The following CSGALNACT1 variants were observed in gnomAD, a reference collection of about 807,000 sequenced individuals.
CSGALNACT1 encodes the protein beta4GalNAcT-1.
In CSGALNACT1, 52 loss-of-function variants were observed where a neutral mutation model predicts 51.0. The ratio of observed to expected loss-of-function variants is 1.02; its 90% confidence interval spans 0.82 to 1.29. CSGALNACT1 has a LOEUF of 1.29. Among genes scored for constraint, CSGALNACT1 ranks in the 50% most tolerant of loss-of-function variants. CSGALNACT1 has a pLI of 0.00. For synonymous variants in CSGALNACT1, 341 were observed against 254.4 expected (o/e 1.34, Z -3.24); for missense variants, 935 against 679.2 (o/e 1.38, Z -4.19).
intron 1 of CSGALNACT1, among the ~76,000 whole-genome samples, chr8:19,609,403 CAAT>C: frequency 6.7e-6 from 1 of 149,428 alleles, no homozygotes; most frequent in Non-Finnish European, 1.5e-5. Flanking sequence ...GATGTTTCCT[CAAT>C]AAATATTTTT....
At chr8:19,678,809 T>C (rs2060381796) in intron 1 of CSGALNACT1, 1 of 152,074 alleles carries the variant, frequency 6.6e-6, no homozygotes, top group Admixed American at 6.6e-5. Flanking sequence ...GGAGGAGGCA[T>C]CCAAAAGGAC....
At chr8:19,608,403 T>C (rs555974506) in intron 1 of CSGALNACT1, among the ~76,000 whole-genome samples, 4 of 152,332 alleles carry the variant, frequency 2.6e-5, no homozygotes, top group Admixed American at 1.3e-4. Context: ...CATGAAATAA[T>C]TGTGTGACCC....
chr8:19,445,533 G>A (rs1321804459), intron 5 of CSGALNACT1, among the ~76,000 whole-genome samples: 2 of 152,188 alleles, frequency 1.3e-5, no homozygotes, highest in South Asian at 2.1e-4. Context: ...CCAAGGTTCC[G>A]TTGCATTCAT....
At chr8:19,418,409 A>C (rs931473649) in intron 8 of CSGALNACT1, among the ~76,000 whole-genome samples, 2 of 152,200 alleles carry the variant, frequency 1.3e-5, no homozygotes, top group African/African-American at 4.8e-5. Flanking sequence ...CCAGTGATGG[A>C]AACTATGAAG....
chr8:19,622,905 C>A (rs1363679172), intron 1 of CSGALNACT1, among the ~76,000 whole-genome samples: 2 of 151,940 alleles, frequency 1.3e-5, no homozygotes, highest in African/African-American at 4.8e-5. Flanking sequence ...AATAGATACC[C>A]CAATTACAAG....
At chr8:19,703,764 C>A (rs926352870) in intron 1 of CSGALNACT1, among the ~76,000 whole-genome samples, 1 of 152,192 alleles carries the variant, frequency 6.6e-6, no homozygotes, top group African/African-American at 2.4e-5. Flanking sequence ...TTATCAGATT[C>A]ATTCACTCAG....
At chr8:19,507,923 G>A (rs912729819) in intron 3 of CSGALNACT1, among the ~76,000 whole-genome samples, 14 of 152,206 alleles carry the variant, frequency 9.2e-5, no homozygotes, top group East Asian at 7.7e-4. Flanking sequence ...CGCCGTGCCC[G>A]GCCCTCCTAG....
intron 1 of CSGALNACT1, among the ~76,000 whole-genome samples, chr8:19,680,559 GCC>G (rs1168944242): frequency 4.9e-4 from 4 of 8,114 alleles, no homozygotes; most frequent in African/African-American, 1.6e-3. Context: ...CTGCACCCTC[GCC>G]CCACCCCCCC....
chr8:19,464,241 CAAG>C, intron 4 of CSGALNACT1, among the ~76,000 whole-genome samples: 1 of 152,142 alleles, frequency 6.6e-6, no homozygotes, highest in South Asian at 2.1e-4. Flanking sequence ...AGCTGGATAA[CAAG>C]AAGCATCTGC....
In CSGALNACT1 at chr8:19,757,831, C is replaced by G. The variant is rs1011356866; in HGVS notation, c.-297+19G>C. The G allele has an allele frequency of 6.6e-6, 1 of 152,276 alleles. No homozygotes were observed. The highest frequency in any genetic ancestry group is 1.9e-4 in the East Asian group (1 of 5,176). The allele number at this position is 152,276 out of a possible 1,614,324, so 9.4% of individuals were successfully genotyped here. A position where few individuals can be genotyped will look rare whatever the true frequency, so the allele number is the denominator to read the frequency against. On this transcript the variant is annotated intron_variant, in intron 1 of 1. Coordinates refer to the CSGALNACT1 transcript ENST00000517494. The surrounding 1 kb of genome is among the most constrained non-coding windows in gnomAD (Gnocchi z 4.0). ...GCCCTGGTCAGCTATAACGCCTCCC[C>G]TAGAGAGCTTTTACTTACAGCGAAG... is the stretch of plus-strand genomic sequence containing the variant.
intron 5 of CSGALNACT1, among the ~76,000 whole-genome samples, chr8:19,441,850 A>C (rs553132197): frequency 4.5e-4 from 68 of 151,728 alleles, no homozygotes; most frequent in South Asian, 1.3e-3. Context: ...CAGAATCTAC[A>C]ATGAACTCCA....
chr8:19,416,708 A>G (rs1221917250), intron 8 of CSGALNACT1, among the ~76,000 whole-genome samples: 1 of 152,182 alleles, frequency 6.6e-6, no homozygotes, highest in African/African-American at 2.4e-5. Context: ...GTAACCTAGG[A>G]GCAACAGCCT....
intron 1 of CSGALNACT1, among the ~76,000 whole-genome samples, chr8:19,703,548 CCGCCTG>C (rs2061993866): frequency 6.6e-6 from 1 of 152,164 alleles, no homozygotes; most frequent in Non-Finnish European, 1.5e-5. Flanking sequence ...CATGATCCAC[CCGCCTG>C]GGCCTCCCAA....
chr8:19,605,051 T>A (rs1297813553), upstream of CSGALNACT1, among the ~76,000 whole-genome samples: 1 of 152,042 alleles, frequency 6.6e-6, no homozygotes, highest in Non-Finnish European at 1.5e-5. Flanking sequence ...TGATCCCCTA[T>A]AATTCCCTCA....
chr8:19,751,044 A>G (rs977249712), intron 1 of CSGALNACT1, among the ~76,000 whole-genome samples: 4 of 152,214 alleles, frequency 2.6e-5, no homozygotes, highest in Admixed American at 6.5e-5. Context: ...ATCTTGCTCC[A>G]TCATGCCCAG....
chr8:19,474,883 A>AAG, intron 4 of CSGALNACT1, among the ~76,000 whole-genome samples: 2 of 150,210 alleles, frequency 1.3e-5, no homozygotes, highest in South Asian at 4.2e-4. Flanking sequence ...AAAAAAAAAA[A>AAG]AAAGAAAAAA....
chr8:19,698,892 C>T (rs1336286768), intron 1 of CSGALNACT1, among the ~76,000 whole-genome samples: 3 of 152,188 alleles, frequency 2.0e-5, no homozygotes, highest in African/African-American at 7.2e-5. Context: ...TCCTTGAATG[C>T]ACAAGTCTCT....
At chr8:19,441,239 A>C (rs1038799976) in intron 5 of CSGALNACT1, among the ~76,000 whole-genome samples, 3 of 152,216 alleles carry the variant, frequency 2.0e-5, no homozygotes, top group African/African-American at 7.2e-5. Context: ...ATATGGAACC[A>C]AAAAAGAGCC....
intron 5 of CSGALNACT1, among the ~76,000 whole-genome samples, chr8:19,453,029 G>T (rs949535580): frequency 6.6e-6 from 1 of 152,146 alleles, no homozygotes; most frequent in African/African-American, 2.4e-5. Context: ...CGAGCAAACA[G>T]AAGGCTGGGT....
Sources: gnomAD v4.1 joint callset for allele counts (sites outside exome capture counted in the v4.1 genomes callset) on GRCh38, gnomAD v4.1.1 for gene constraint, Gnocchi (gnomAD v3.1) non-coding constraint, MANE v1.5 for transcripts, NCBI Gene and HGNC (gene_info 2026-07-23, HGNC 2026-07-21) for gene names.